LRRC4C: variants seen among roughly 807,000 people sequenced by gnomAD.
The protein encoded by LRRC4C is leucine rich repeat containing 4C, also known as leucine-rich repeat-containing protein 4C.
In LRRC4C, 5 loss-of-function variants were observed where a neutral mutation model predicts 33.6. That is an observed-to-expected ratio of 0.15 (90% CI 0.08 to 0.31). LRRC4C has a LOEUF of 0.31. Ranked by LOEUF, LRRC4C falls within the 10% of genes least tolerant of loss-of-function variation. The probability of loss-of-function intolerance (pLI) is 1.00; values close to 1 mark genes in which losing one functional copy is unlikely to be tolerated. For missense variants in LRRC4C, 560 were observed against 796.7 expected (o/e 0.70, Z 3.58); for synonymous variants, 329 against 302.0 (o/e 1.09, Z -0.93).
Position 40,948,135 on chromosome 11 carries a change from C to T in LRRC4C, c.-495-14412G>A, listed in dbSNP as rs1336179156. 4.6e-5 allele frequency among the ~76,000 whole-genome samples: 7 copies of T among 151,986 alleles called. No homozygotes were observed. In the East Asian group the frequency reaches 1.2e-3, roughly 25 times the overall value. The stretch of plus-strand genomic sequence containing the variant: ...CCTGGATTTTCTCTTATGACTCCCC[C>T]ATATAAGTCACATGTTCTATTTAAT... On this transcript the variant is annotated intron_variant, in intron 1 of 6. Coordinates refer to ENST00000528697, the MANE Select transcript of LRRC4C (RefSeq NM_001258419.2).
intron 3 of LRRC4C, among the ~76,000 whole-genome samples, chr11:40,557,317 G>A (rs1350268673): frequency 6.6e-6 from 1 of 152,070 alleles, no homozygotes; most frequent in African/African-American, 2.4e-5. Flanking sequence ...TTACTTGATT[G>A]TCAGAAGGTC....
At chr11:40,987,202 A>G (rs759464897) in intron 1 of LRRC4C, among the ~76,000 whole-genome samples, 3 of 152,212 alleles carry the variant, frequency 2.0e-5, no homozygotes, top group Non-Finnish European at 4.4e-5. Context: ...CTGTTGACGA[A>G]AACCACTGCC....
chr11:40,126,810 A>G (rs1590442610), intron 6 of LRRC4C, among the ~76,000 whole-genome samples: 1 of 152,146 alleles, frequency 6.6e-6, no homozygotes, highest in Middle Eastern at 3.4e-3. Context: ...AAAATACAAA[A>G]TTAACCAGGT....
intron 5 of LRRC4C, among the ~76,000 whole-genome samples, chr11:40,191,367 G>A (rs1332899748): frequency 6.6e-6 from 1 of 152,152 alleles, no homozygotes; most frequent in Non-Finnish European, 1.5e-5. Context: ...CACACTCTAA[G>A]CACACATTTA....
At chr11:40,523,066 G>C (rs1955886808) in intron 3 of LRRC4C, among the ~76,000 whole-genome samples, 1 of 152,134 alleles carries the variant, frequency 6.6e-6, no homozygotes, top group Non-Finnish European at 1.5e-5. Context: ...ACTTAACAGA[G>C]TAATTGTTGG....
intron 3 of LRRC4C, among the ~76,000 whole-genome samples, chr11:40,496,743 T>A (rs1265294134): frequency 2.0e-5 from 3 of 152,094 alleles, no homozygotes; most frequent in African/African-American, 7.2e-5. Flanking sequence ...TCTGAAACCA[T>A]GTGTTTAGAT....
intron 3 of LRRC4C, among the ~76,000 whole-genome samples, chr11:40,431,717 T>C (rs1950944121): frequency 6.6e-6 from 1 of 152,192 alleles, no homozygotes; most frequent in Non-Finnish European, 1.5e-5. Flanking sequence ...GCTTTTCTCA[T>C]AGCAATACCA....
intron 4 of LRRC4C, among the ~76,000 whole-genome samples, chr11:40,277,874 T>C (rs144373921): frequency 6.6e-6 from 1 of 152,260 alleles, no homozygotes; most frequent in East Asian, 1.9e-4. Context: ...ATTATTGCAG[T>C]TGTCAAAAGG....
At chr11:40,715,673 G>C (rs781749063) in intron 2 of LRRC4C, among the ~76,000 whole-genome samples, 5 of 152,132 alleles carry the variant, frequency 3.3e-5, no homozygotes, top group Non-Finnish European at 5.9e-5. Context: ...ATATGGCAAG[G>C]AAAAATGAAT....
chr11:41,422,824 T>C (rs996083), intron 1 of LRRC4C, among the ~76,000 whole-genome samples: 85,993 of 151,772 alleles, frequency 0.57, 25,169 homozygotes, highest in African/African-American at 0.72. Context: ...AAATAAGAAA[T>C]ACAAAAAGCA....
chr11:40,957,447 C>A (rs1959008774), intron 1 of LRRC4C, among the ~76,000 whole-genome samples: 1 of 151,644 alleles, frequency 6.6e-6, no homozygotes, highest in Non-Finnish European at 1.5e-5. Context: ...TCTCTCTTTC[C>A]ATCACCCACT....
At chr11:40,349,433 T>C (rs1411437625) in intron 3 of LRRC4C, among the ~76,000 whole-genome samples, 1 of 152,086 alleles carries the variant, frequency 6.6e-6, no homozygotes, top group Non-Finnish European at 1.5e-5. Flanking sequence ...TAGTACTCTA[T>C]TGTGTATATG....
At chr11:40,759,962 CAAA>C (rs57459258) in intron 2 of LRRC4C, among the ~76,000 whole-genome samples, 7 of 95,718 alleles carry the variant, frequency 7.3e-5, no homozygotes, top group Non-Finnish European at 1.2e-4. Context: ...ACAACAACAA[CAAA>C]AAAAAAAAAA....
At position 40,911,315 on chromosome 11, in the gene LRRC4C, C is replaced by T. The variant is rs575144999; in HGVS notation, c.-407+22320G>A. On this transcript the variant is annotated intron_variant, in intron 2 of 6. Transcript: ENST00000528697. ...ACCCCCGAGTAGGGGCAGACTGACA[C>T]CTCACACAGCCGAGTACTCCTCTGA... Among the ~76,000 whole-genome samples the T allele has an allele frequency of 2.6e-5, 4 of 152,266 alleles. No individual in the cohort carries two copies. In the South Asian group the frequency reaches 6.2e-4, roughly 24 times the overall value.
chr11:41,259,501 A>G (rs1446137734), intron 1 of LRRC4C, among the ~76,000 whole-genome samples: 1 of 152,004 alleles, frequency 6.6e-6, no homozygotes, highest in Non-Finnish European at 1.5e-5. Context: ...AGTATTCCTT[A>G]TTTTTCTTTC....
intron 2 of LRRC4C, among the ~76,000 whole-genome samples, chr11:40,806,013 C>T (rs1951229293): frequency 6.6e-6 from 1 of 152,138 alleles, no homozygotes; most frequent in Non-Finnish European, 1.5e-5. Context: ...CTCCAAATGG[C>T]CCCTAATGTC....
chr11:40,864,297 G>A (rs761682037), intron 2 of LRRC4C, among the ~76,000 whole-genome samples: 1 of 152,078 alleles, frequency 6.6e-6, no homozygotes, highest in Non-Finnish European at 1.5e-5. Flanking sequence ...TTGAACTCCT[G>A]ACCACAGGTG....
chr11:41,134,321 C>T (rs1943158244), intron 1 of LRRC4C, among the ~76,000 whole-genome samples: 1 of 152,094 alleles, frequency 6.6e-6, no homozygotes, highest in South Asian at 2.1e-4. Context: ...ACAAGCTGGT[C>T]TCAAACTGCT....
chr11:41,010,763 CCCCATTG>C (rs1190905971), intron 1 of LRRC4C, among the ~76,000 whole-genome samples: 1 of 152,156 alleles, frequency 6.6e-6, no homozygotes, highest in African/African-American at 2.4e-5. Flanking sequence ...GACTTTCCTG[CCCCATTG>C]CTATCAGCAC....
Sources: allele counts gnomAD v4.1 joint callset (sites outside exome capture counted in the v4.1 genomes callset), GRCh38; gene constraint gnomAD v4.1.1; transcripts MANE v1.5; gene names NCBI Gene and HGNC (gene_info 2026-07-23, HGNC 2026-07-21).